The following TRIP13 variants were observed in gnomAD, a reference collection of about 807,000 sequenced individuals.
TRIP13 encodes the protein pachytene checkpoint protein 2 homolog.
A neutral mutation model predicts 54.4 loss-of-function variants in TRIP13; 25 were observed. That is an observed-to-expected ratio of 0.46 (90% CI 0.33 to 0.64). TRIP13 has a LOEUF of 0.64. Among genes scored for constraint, TRIP13 ranks in the 30% least tolerant of loss-of-function variants. TRIP13 has a pLI of 0.02. For missense variants in TRIP13, 373 were observed against 534.2 expected, an observed-to-expected ratio of 0.70 and a Z score of 2.97; for synonymous variants, 207 against 207.8, an observed-to-expected ratio of 1.00 and a Z score of 0.03.
intron 5 of TRIP13, among the ~76,000 whole-genome samples, chr5:903,033 C>T (rs549428722): frequency 6.6e-6 from 1 of 152,320 alleles, no homozygotes; most frequent in East Asian, 1.9e-4. Flanking sequence ...ACCACTGAAG[C>T]ACAGCATCAC....
chr5:905,570 T>C (rs937279539), intron 6 of TRIP13, among the ~76,000 whole-genome samples: 2 of 152,044 alleles, frequency 1.3e-5, no homozygotes, highest in Non-Finnish European at 2.9e-5. Flanking sequence ...GGTTGGAAGA[T>C]GCCTCCCGGC....
intron 11 of TRIP13, 143 bp downstream of exon 11, chr5:914,720 CGTG>C (rs1374414443): frequency 1.9e-6 from 1 of 526,760 alleles, no homozygotes; most frequent in Non-Finnish European, 3.5e-6. Context: ...CATGTACACA[CGTG>C]TGTGTGTGTG....
In TRIP13 at chr5:912,564, C is replaced by T. The variant is rs1209195643; in HGVS notation, c.1020+568C>T. Among the ~76,000 whole-genome samples, 2 of 149,352 alleles carry T rather than the reference C, an allele frequency of 1.3e-5. No homozygotes were observed. The highest frequency in any genetic ancestry group is 3.0e-5 in the Non-Finnish European group (2 of 67,328). On this transcript the variant is annotated intron_variant, in intron 10 of 12. Coordinates refer to ENST00000166345, the MANE Select transcript of TRIP13 (RefSeq NM_004237.4). This position sits in a 1 kb window ranked among gnomAD's most constrained non-coding sequence, Gnocchi z 7.2. ...ACGCGTGCGGGGAGCGTGTGTGAGTCAGGAGGGCCGTCGCCACGGGCACAG... is the reference window on the plus strand; with the variant it reads ...ACGCGTGCGGGGAGCGTGTGTGAGTTAGGAGGGCCGTCGCCACGGGCACAG...
chr5:901,404 A>G lies in TRIP13; in HGVS notation c.508A>G (p.Thr170Ala), dbSNP rs1419015512. 2 of 1,614,164 alleles carry G rather than the reference A, an allele frequency of 1.2e-6. No individual in the cohort carries two copies. The highest frequency in any genetic ancestry group is 8.5e-7 in the Non-Finnish European group (1 of 1,180,028). ...SDKNVNSNLI[T>A]WNRVVLLHGP... ...CAAGAACGTCAACAGCAACCTCATC[A>G]CCTGGAACCGGGTGGTGCTGCTCCA... is the stretch of plus-strand genomic sequence containing the variant. The change falls in exon 5 of 13, where the codon ACC becomes GCC. Residue 170 changes from threonine to alanine, a missense_variant. Transcript: ENST00000166345.
chr5:908,740 C>G lies in TRIP13; in HGVS notation c.866+279C>G. 1.0e-6 allele frequency: 1 copy of G among 1,001,238 alleles called. No homozygotes were observed. The highest frequency in any genetic ancestry group is 1.3e-6 in the Non-Finnish European group (1 of 769,920). The allele number at this position is 1,001,238 out of a possible 1,614,324, so 62.0% of individuals were successfully genotyped here. On this transcript the variant is annotated intron_variant, in intron 9 of 12. Coordinates refer to ENST00000166345, the MANE Select transcript of TRIP13 (RefSeq NM_004237.4). The surrounding 1 kb of genome is among the most constrained non-coding windows in gnomAD (Gnocchi z 5.2). Reference sequence around the variant, plus strand: ...TTGGGAGGCCGAGGCAGGCGGATCACAAGGTCAGTAGATTGAGACCATCCT... The same window carrying G: ...TTGGGAGGCCGAGGCAGGCGGATCAGAAGGTCAGTAGATTGAGACCATCCT...
chr5:896,346 C>T (rs764586402), intron 2 of TRIP13, among the ~76,000 whole-genome samples: 1 of 152,044 alleles, frequency 6.6e-6, no homozygotes, highest in Non-Finnish European at 1.5e-5. Flanking sequence ...AAACAAAAAA[C>T]CTTATATGAT....
At chr5:901,105 A>G (rs1753977613) in intron 4 of TRIP13, among the ~76,000 whole-genome samples, 1 of 152,198 alleles carries the variant, frequency 6.6e-6, no homozygotes, top group African/African-American at 2.4e-5. Flanking sequence ...AAAAGTGATC[A>G]TTTTGTTGCT....
rs574640934 is a variant in TRIP13, at chr5:912,319, G to A, written c.1020+323G>A. 1.7e-4 allele frequency among the ~76,000 whole-genome samples: 26 copies of A among 151,874 alleles called. No homozygotes were observed. The South Asian group carries it at 3.4e-3, about 20-fold the overall frequency. On this transcript the variant is annotated intron_variant, in intron 10 of 12. Coordinates refer to ENST00000166345, the MANE Select transcript of TRIP13 (RefSeq NM_004237.4). The surrounding 1 kb of genome is among the most constrained non-coding windows in gnomAD (Gnocchi z 7.2). ...CAAACCTTAGTTCTCAGCTTACCCC[G>A]GGCTTTTCCAATGCCCTGCCTCTCG...
At position 911,643 on chromosome 5, in the gene TRIP13, G is replaced by A. The variant is rs1455729202; in HGVS notation, c.867-200G>A. The stretch of plus-strand genomic sequence containing the variant: ...GTGAGGGAATGAGCGAAGTGGGGCT[G>A]TAGAATTCCCAGAAGGCCAAGGAGC... On this transcript the variant is annotated intron_variant, in intron 9 of 12. Transcript: ENST00000166345. The surrounding 1 kb of genome is among the most constrained non-coding windows in gnomAD (Gnocchi z 4.7). 6.6e-6 allele frequency among the ~76,000 whole-genome samples: 1 copy of A among 151,554 alleles called. No homozygotes were observed. The highest frequency in any genetic ancestry group is 1.5e-5 in the Non-Finnish European group (1 of 67,804).
intron 5 of TRIP13, among the ~76,000 whole-genome samples, chr5:903,753 T>A (rs573299165): frequency 1.3e-5 from 2 of 152,234 alleles, no homozygotes; most frequent in South Asian, 4.2e-4. Flanking sequence ...GTGTGTTTGA[T>A]CTCTGAAAGG....
chr5:894,758 T>G, intron 1 of TRIP13, 29 bp from the exon 2 acceptor site: 1 of 1,579,912 alleles, frequency 6.3e-7, no homozygotes, highest in Non-Finnish European at 8.6e-7. Flanking sequence ...ACTAAGATCA[T>G]TTATGTGTGT....
At position 912,393 on chromosome 5, in the gene TRIP13, G is replaced by A. The variant is rs1301750146; in HGVS notation, c.1020+397G>A. Among the ~76,000 whole-genome samples, 1 of 152,116 alleles carries A rather than the reference G, an allele frequency of 6.6e-6. No homozygotes were observed. The highest frequency in any genetic ancestry group is 1.5e-5 in the Non-Finnish European group (1 of 68,026). ...GAGGAAACATCACGGGCGTAGTATG[G>A]GCCTGGTTTTGGTCACGGGGTCCAC... On this transcript the variant is annotated intron_variant, in intron 10 of 12. Coordinates refer to ENST00000166345, the MANE Select transcript of TRIP13 (RefSeq NM_004237.4). This position sits in a 1 kb window ranked among gnomAD's most constrained non-coding sequence, Gnocchi z 7.2.
chr5:897,042 C>T (rs1256535704), intron 3 of TRIP13, among the ~76,000 whole-genome samples: 2 of 152,240 alleles, frequency 1.3e-5, no homozygotes, highest in Non-Finnish European at 2.9e-5. Context: ...ATGTGCTCTT[C>T]TCACATGCCT....
chr5:892,997 C>A lies in TRIP13; in HGVS notation c.-2C>A. 6.5e-7 allele frequency: 1 copy of A among 1,543,918 alleles called. No homozygotes were observed. The highest frequency in any genetic ancestry group is 8.7e-7 in the Non-Finnish European group (1 of 1,148,836). On this transcript the variant is annotated 5_prime_UTR_variant, in exon 1 of 13. Transcript: ENST00000166345. ...TGGGTCCCCACTGCTCTCGGGGGCG[C>A]CATGGACGAGGCCGTGGGCGACCTG...
At position 894,829 on chromosome 5, in the gene TRIP13, A is replaced by C; in HGVS notation, c.135A>C (p.Leu45=). The C allele has an allele frequency of 1.2e-6, 2 of 1,613,042 alleles. No individual in the cohort carries two copies. Among genetic ancestry groups the C allele is most frequent in the Non-Finnish European group, 1.7e-6 (2 of 1,179,710 alleles). ...ACATAAACCTGAGTGTTAGAAAGCT[A>C]CTCAACAGACATAATATTGTGTTTG... ...KEDINLSVRK[L]LNRHNIVFGD... The change falls in exon 2 of 13, where the codon CTA becomes CTC. Residue 45 remains leucine (L), a synonymous_variant. Coordinates refer to ENST00000166345, the MANE Select transcript of TRIP13 (RefSeq NM_004237.4).
Position 896,726 on chromosome 5 carries a change from C to A in TRIP13, c.320C>A (p.Pro107His), listed in dbSNP as rs779251514. 9 of 1,613,864 alleles carry A rather than the reference C, an allele frequency of 5.6e-6. No individual in the cohort carries two copies. The highest frequency in any genetic ancestry group is 2.2e-5 in the East Asian group (1 of 44,876). Residue 107 changes from proline to histidine, a missense_variant, in exon 3 of 13, where the codon CCC becomes CAC. Around this residue, in one of 4 missense-constraint regions of TRIP13, gnomAD observed 151 missense variants for 151.9 expected, o/e 0.99. Transcript: ENST00000166345. ...ATTTTCCAGCTGAATGAAGATGGCCCCAGCAGTGAAAATCTGGAGGAAGAG... is the reference window on the plus strand; with the variant it reads ...ATTTTCCAGCTGAATGAAGATGGCCACAGCAGTGAAAATCTGGAGGAAGAG... Reference protein sequence around the residue: ...LHIFQLNEDGPSSENLEEETE... With the variant: ...LHIFQLNEDGHSSENLEEETE...
chr5:910,395 G>C (rs1021049586), intron 9 of TRIP13, among the ~76,000 whole-genome samples: 1 of 152,122 alleles, frequency 6.6e-6, no homozygotes, highest in African/African-American at 2.4e-5. Context: ...CATAGCTCAG[G>C]GTTCTGTGGG....
chr5:908,219 G>A lies in TRIP13; in HGVS notation c.760-136G>A. The A allele has an allele frequency of 2.2e-6, 3 of 1,387,712 alleles. No homozygotes were observed. The highest frequency in any genetic ancestry group is 1.9e-4 in the Middle Eastern group (1 of 5,316). 86.0% of individuals were successfully genotyped at this position (1,387,712 alleles called of 1,614,324 possible). ...CCTGCACTGTGCGCCTTTCCACCTT[G>A]CCGCAGCATCCGCAGGCTAGGCACG... On this transcript the variant is annotated intron_variant, in intron 8 of 12. Coordinates refer to ENST00000166345, the MANE Select transcript of TRIP13 (RefSeq NM_004237.4). The surrounding 1 kb of genome is among the most constrained non-coding windows in gnomAD (Gnocchi z 5.2).
At position 908,560 on chromosome 5, in the gene TRIP13, T is replaced by A; in HGVS notation, c.866+99T>A. On this transcript the variant is annotated intron_variant, in intron 9 of 12. Coordinates refer to ENST00000166345, the MANE Select transcript of TRIP13 (RefSeq NM_004237.4). This position sits in a 1 kb window ranked among gnomAD's most constrained non-coding sequence, Gnocchi z 5.2. ...GCAACCCTAGATCTTAGTGCCCAGC[T>A]CTTTCACCGGAAAGTGCATTTGGCA... 1 of 1,550,644 alleles carries A rather than the reference T, an allele frequency of 6.4e-7. No individual in the cohort carries two copies. The highest frequency in any genetic ancestry group is 8.7e-7 in the Non-Finnish European group (1 of 1,146,444).
Sources: allele counts gnomAD v4.1 joint callset (sites outside exome capture counted in the v4.1 genomes callset), GRCh38; gene constraint gnomAD v4.1.1; regional missense constraint gnomAD v4.1.1; non-coding constraint Gnocchi (gnomAD v3.1); transcripts MANE v1.5; gene names NCBI Gene and HGNC (gene_info 2026-07-23, HGNC 2026-07-21).